The following LARP4B variants were observed in gnomAD, a reference collection of about 807,000 sequenced individuals.
LARP4B encodes la-related protein 4B.
LARP4B carries 12 observed loss-of-function variants against 89.8 expected under a neutral mutation model. The observed-to-expected ratio is 0.13, with a 90% CI of 0.09 to 0.22. The LOEUF is 0.22. LARP4B is among the 10% of genes least tolerant of loss of function. The pLI, the probability that LARP4B is intolerant of heterozygous loss-of-function variation, is 1.00. For synonymous variants in LARP4B, 367 were observed against 363.3 expected, an observed-to-expected ratio of 1.01 and a Z score of -0.12; for missense variants, 757 against 947.7, an observed-to-expected ratio of 0.80 and a Z score of 2.64.
At chr10:986,755 A>G in the LARP4B span, 1 of 152,220 alleles carries the variant, frequency 6.6e-6, no homozygotes, top group Admixed American at 6.5e-5. Context: ...CCTGGCTAAT[A>G]TGGTAAAACC....
the LARP4B span, among the ~76,000 whole-genome samples, chr10:978,937 C>G: frequency 6.6e-6 from 1 of 151,966 alleles, no homozygotes; most frequent in Admixed American, 6.6e-5. Flanking sequence ...TTCCCACCCC[C>G]CCTCCTTAAT....
At chr10:842,895 G>A (rs201743671) in intron 7 of LARP4B, 37 bp downstream of exon 7, 1 of 1,581,444 alleles carries the variant, frequency 6.3e-7, no homozygotes, top group Non-Finnish European at 8.7e-7. Context: ...AATACTCTAA[G>A]GACAAGTATT....
In LARP4B at chr10:926,369, G is replaced by T. The variant is rs538600841; in HGVS notation, c.-40+5059C>A. On this transcript the variant is annotated intron_variant, in intron 1 of 17. Transcript: ENST00000316157. ...AAATATTTTAAAAATTTTTTTAAAG[G>T]AGGTGGACATTCAATTTCAGTCAAA... Among the ~76,000 whole-genome samples, 4 of 152,288 alleles carry T rather than the reference G, an allele frequency of 2.6e-5. No individual in the cohort carries two copies. The South Asian group carries it at 8.3e-4, about 32-fold the overall frequency.
rs1239515017 is a variant in LARP4B, at chr10:864,282, T to A, written c.142-12A>T. ...TTAGTTGCTGGTACCTAGGAAGAAA[T>A]GTAAGATAGACATTTGTATCCAAAT... is the stretch of plus-strand genomic sequence containing the variant. On this transcript the variant is annotated splice_polypyrimidine_tract_variant and intron_variant, in intron 3 of 17. Transcript: ENST00000316157. 6.2e-7 allele frequency: 1 copy of A among 1,613,964 alleles called. No homozygotes were observed. The highest frequency in any genetic ancestry group is 1.1e-5 in the South Asian group (1 of 91,084).
chr10:875,982 G>A (rs1255186400), intron 3 of LARP4B, among the ~76,000 whole-genome samples: 1 of 152,152 alleles, frequency 6.6e-6, no homozygotes, highest in Non-Finnish European at 1.5e-5. Context: ...ATCAGATAGG[G>A]TGAGACTCAA....
rs146047953 is a variant in LARP4B, at chr10:841,131, C to A, written c.646+1801G>T. Among the ~76,000 whole-genome samples, 438 of 152,122 alleles carry A rather than the reference C, an allele frequency of 2.9e-3. 5 individuals carry two copies. Among genetic ancestry groups the A allele is most frequent in the African/African-American group, 0.01 (424 of 41,492 alleles). On this transcript the variant is annotated intron_variant, in intron 7 of 17. Coordinates refer to ENST00000316157, the MANE Select transcript of LARP4B (RefSeq NM_015155.3). ...TGACACCACTGCACTCCAGCCTTGGCGACAGAGTGAGATTCCATCTCAAAA... is the reference window on the plus strand; with the variant it reads ...TGACACCACTGCACTCCAGCCTTGGAGACAGAGTGAGATTCCATCTCAAAA...
the LARP4B span, among the ~76,000 whole-genome samples, chr10:969,984 C>T: frequency 2.6e-5 from 4 of 152,136 alleles, no homozygotes; most frequent in Admixed American, 6.6e-5. Flanking sequence ...CCCGGACTGA[C>T]GCCTGCAGGA....
At chr10:873,403 T>G in intron 3 of LARP4B, 1 of 985,338 alleles carries the variant, frequency 1.0e-6, no homozygotes, top group Non-Finnish European at 1.2e-6. Context: ...GCAAGAATGC[T>G]GCGCTGTATT....
intron 3 of LARP4B, among the ~76,000 whole-genome samples, chr10:873,900 A>G (rs1835347284): frequency 6.6e-6 from 1 of 152,206 alleles, no homozygotes; most frequent in African/African-American, 2.4e-5. Context: ...TATAAAAGTT[A>G]AAACAGTCAT....
At chr10:905,581 T>C (rs932784687) in intron 1 of LARP4B, among the ~76,000 whole-genome samples, 3 of 152,232 alleles carry the variant, frequency 2.0e-5, no homozygotes, top group African/African-American at 7.2e-5. Context: ...ATTATGTTTT[T>C]TTCCATTATG....
chr10:980,141 C>G, the LARP4B span, among the ~76,000 whole-genome samples: 1 of 152,222 alleles, frequency 6.6e-6, no homozygotes, highest in Non-Finnish European at 1.5e-5. Flanking sequence ...TGTCTCACAT[C>G]CAGGGCACAC....
chr10:824,822 C>T (rs1020847545), intron 13 of LARP4B, among the ~76,000 whole-genome samples: 3 of 152,228 alleles, frequency 2.0e-5, no homozygotes, highest in Non-Finnish European at 4.4e-5. Context: ...GAGTCTATGG[C>T]TATTGAGCTC....
At chr10:953,612 G>T in the LARP4B span, among the ~76,000 whole-genome samples, 1 of 151,548 alleles carries the variant, frequency 6.6e-6, no homozygotes, top group Non-Finnish European at 1.5e-5. Flanking sequence ...ACCTTTAAAA[G>T]GAAGAAATCG....
intron 3 of LARP4B, among the ~76,000 whole-genome samples, chr10:881,061 AG>A (rs765642177): frequency 6.6e-6 from 1 of 152,100 alleles, no homozygotes; most frequent in Non-Finnish European, 1.5e-5. Flanking sequence ...GGGCTTCAGG[AG>A]GGGCAAAAAG....
chr10:858,585 CTT>C (rs753599060), intron 5 of LARP4B, among the ~76,000 whole-genome samples: 2 of 152,084 alleles, frequency 1.3e-5, no homozygotes, highest in Non-Finnish European at 2.9e-5. Context: ...TCAAAAGACA[CTT>C]TGAATAAAAT....
chr10:890,331 A>G (rs1835977636), intron 1 of LARP4B, among the ~76,000 whole-genome samples: 1 of 152,354 alleles, frequency 6.6e-6, no homozygotes, highest in African/African-American at 2.4e-5. Flanking sequence ...TGCTATCAAA[A>G]AGAGCTGGAA....
At chr10:970,735 T>C in the LARP4B span, among the ~76,000 whole-genome samples, 1 of 152,132 alleles carries the variant, frequency 6.6e-6, no homozygotes, top group Non-Finnish European at 1.5e-5. Flanking sequence ...GTTTTTTTCT[T>C]CTTATGGTAA....
At chr10:943,476 C>T in the LARP4B span, among the ~76,000 whole-genome samples, 12 of 152,216 alleles carry the variant, frequency 7.9e-5, no homozygotes, top group East Asian at 9.7e-4. Context: ...GTCACCCAGG[C>T]GGGAGTGCAG....
intron 1 of LARP4B, among the ~76,000 whole-genome samples, chr10:908,848 C>CAG (rs1334380265): frequency 6.6e-6 from 1 of 152,048 alleles, no homozygotes; most frequent in East Asian, 1.9e-4. Context: ...TCAAGGAGTG[C>CAG]AGGCTGCAGC....
Sources: allele counts gnomAD v4.1 joint callset (sites outside exome capture counted in the v4.1 genomes callset), GRCh38; gene constraint gnomAD v4.1.1; transcripts MANE v1.5; gene names NCBI Gene and HGNC (gene_info 2026-07-23, HGNC 2026-07-21).